GRM7: variants seen among roughly 807,000 people sequenced by gnomAD.
GRM7 encodes the protein metabotropic glutamate receptor 7.
GRM7 carries 35 observed loss-of-function variants against 84.5 expected under a neutral mutation model. That is an observed-to-expected ratio of 0.41 (90% confidence interval 0.32 to 0.55). GRM7 has a LOEUF of 0.55. Among genes scored for constraint, GRM7 ranks in the 20% least tolerant of loss-of-function variants. The pLI is 0.19. For missense variants in GRM7, 1,003 were observed against 1,194.6 expected (o/e 0.84, Z 2.36); for synonymous variants, 487 against 455.1 (o/e 1.07, Z -0.89).
intron 8 of GRM7, among the ~76,000 whole-genome samples, chr3:7,629,279 C>A (rs1697761014): frequency 6.6e-6 from 1 of 152,190 alleles, no homozygotes; most frequent in South Asian, 2.1e-4. Context: ...TTAGTCAGCT[C>A]AGTCTGACAT....
chr3:7,506,084 A>G (rs1476016544), intron 7 of GRM7, among the ~76,000 whole-genome samples: 2 of 152,164 alleles, frequency 1.3e-5, no homozygotes, highest in East Asian at 1.9e-4. Flanking sequence ...AGCAGCCTGC[A>G]TGGTTTGTAG....
intron 8 of GRM7, among the ~76,000 whole-genome samples, chr3:7,643,331 C>CA (rs57543472): frequency 1.6e-3 from 246 of 150,884 alleles, no homozygotes; most frequent in African/African-American, 5.6e-3. Context: ...GAAAAACAAA[C>CA]AAAAAAAACA....
intron 2 of GRM7, among the ~76,000 whole-genome samples, chr3:7,250,483 A>T (rs1181629965): frequency 6.6e-6 from 1 of 151,346 alleles, no homozygotes; most frequent in Non-Finnish European, 1.5e-5. Context: ...ATACACATAT[A>T]TATTTTTATT....
At chr3:6,931,990 G>A (rs80267134) in intron 1 of GRM7, among the ~76,000 whole-genome samples, 6,881 of 152,280 alleles carry the variant, frequency 0.045, 176 homozygotes, top group African/African-American at 0.048. Context: ...ATATTGCTGC[G>A]TGGGTAGGGT....
chr3:7,031,337 T>G (rs1026829270), intron 1 of GRM7, among the ~76,000 whole-genome samples: 3 of 152,098 alleles, frequency 2.0e-5, no homozygotes, highest in Admixed American at 6.6e-5. Context: ...TGCCTTCATG[T>G]CCCCACCGTG....
intron 1 of GRM7, among the ~76,000 whole-genome samples, chr3:6,950,710 C>A (rs1396244698): frequency 6.6e-6 from 1 of 152,220 alleles, no homozygotes; most frequent in African/African-American, 2.4e-5. Context: ...CCACCCAGTT[C>A]AAGCTTCAGG....
chr3:7,152,631 A>G (rs986835915), intron 2 of GRM7, among the ~76,000 whole-genome samples: 1 of 152,138 alleles, frequency 6.6e-6, no homozygotes, highest in African/African-American at 2.4e-5. Flanking sequence ...GCTAACTTCA[A>G]TTTATTTTTT....
At chr3:6,991,913 G>C (rs951631349) in intron 1 of GRM7, among the ~76,000 whole-genome samples, 2 of 151,742 alleles carry the variant, frequency 1.3e-5, no homozygotes, top group Non-Finnish European at 2.9e-5. Context: ...TGTACCCTTT[G>C]ACTAACATCT....
At chr3:6,896,976 G>A (rs1004415042) in intron 1 of GRM7, among the ~76,000 whole-genome samples, 17 of 152,178 alleles carry the variant, frequency 1.1e-4, no homozygotes, top group African/African-American at 4.1e-4. Flanking sequence ...GTTTGCCTAA[G>A]TGTTTGAATG....
intron 2 of GRM7, among the ~76,000 whole-genome samples, chr3:7,221,919 G>A (rs1696817316): frequency 6.7e-6 from 1 of 148,922 alleles, no homozygotes; most frequent in Non-Finnish European, 1.5e-5. Context: ...CAATTCTCCT[G>A]GCTCAGCCTC....
chr3:7,449,605 G>C (rs1332960481), intron 5 of GRM7, among the ~76,000 whole-genome samples: 2 of 149,572 alleles, frequency 1.3e-5, no homozygotes, highest in African/African-American at 4.9e-5. Flanking sequence ...CTAGTTTGGT[G>C]CATGGATAGA....
rs1354986386 is a variant in GRM7 at position 7,660,177 on chromosome 3, AT to A, written c.2452-19865del. Among the ~76,000 whole-genome samples, 5 of 152,282 alleles carry A rather than the reference AT, an allele frequency of 3.3e-5. No homozygotes were observed. In the East Asian group the frequency reaches 7.7e-4, roughly 23 times the overall value. On this transcript the variant is annotated intron_variant, in intron 8 of 9. Transcript: ENST00000357716. Reference sequence around the variant, plus strand: ...TTCCCAGTTGCAAAGGTAAACTGTAATTTTTTTAATGGTGACATCTGGCAGT... The same window carrying A: ...TTCCCAGTTGCAAAGGTAAACTGTAATTTTTTAATGGTGACATCTGGCAGT...
intron 2 of GRM7, among the ~76,000 whole-genome samples, chr3:7,231,459 CAT>C (rs1491081706): frequency 8.5e-4 from 129 of 152,068 alleles, no homozygotes; most frequent in African/African-American, 2.8e-3. Context: ...TATATATATA[CAT>C]ATATAATGTC....
At chr3:7,022,556 GA>G (rs1053016833) in intron 1 of GRM7, among the ~76,000 whole-genome samples, 32 of 151,146 alleles carry the variant, frequency 2.1e-4, no homozygotes, top group African/African-American at 6.1e-4. Flanking sequence ...TTTAAAATCA[GA>G]AAAAAAACTG....
In GRM7 at chr3:7,020,626, A is replaced by G. The variant is rs529838722; in HGVS notation, c.520-125826A>G. ...TACTTAATAAAGATATCACAATTCGAATGAATGTAATTGCAAAATCTATTG... is the reference window on the plus strand; with the variant it reads ...TACTTAATAAAGATATCACAATTCGGATGAATGTAATTGCAAAATCTATTG... On this transcript the variant is annotated intron_variant, in intron 1 of 9. Transcript: ENST00000357716. 1.6e-4 allele frequency among the ~76,000 whole-genome samples: 25 copies of G among 152,330 alleles called. No homozygotes were observed. In the East Asian group the frequency reaches 4.8e-3, roughly 29 times the overall value.
At chr3:7,046,167 T>C (rs987478696) in intron 1 of GRM7, among the ~76,000 whole-genome samples, 1 of 152,152 alleles carries the variant, frequency 6.6e-6, no homozygotes, top group Admixed American at 6.6e-5. Flanking sequence ...TTATGCTTTT[T>C]GTGGGAAATG....
intron 4 of GRM7, among the ~76,000 whole-genome samples, chr3:7,312,782 T>G (rs775607295): frequency 6.6e-6 from 1 of 152,062 alleles, no homozygotes; most frequent in African/African-American, 2.4e-5. Flanking sequence ...AAAAATGTCA[T>G]GTTAATAGGG....
chr3:7,231,468 T>A (rs938965946), intron 2 of GRM7, among the ~76,000 whole-genome samples: 3 of 152,222 alleles, frequency 2.0e-5, no homozygotes, highest in African/African-American at 7.2e-5. Context: ...ACATATATAA[T>A]GTCCAGAAAC....
chr3:7,419,897 G>T (rs1030748415), intron 5 of GRM7, among the ~76,000 whole-genome samples: 4 of 152,122 alleles, frequency 2.6e-5, no homozygotes, highest in African/African-American at 9.7e-5. Context: ...GTGCTTTCAA[G>T]TCACACAATA....
Sources: gnomAD v4.1 joint callset for allele counts (sites outside exome capture counted in the v4.1 genomes callset) on GRCh38, gnomAD v4.1.1 for gene constraint, MANE v1.5 for transcripts, NCBI Gene and HGNC (gene_info 2026-07-23, HGNC 2026-07-21) for gene names.